Variants in KHDRBS2 observed in about 807,000 individuals in gnomAD.
The protein encoded by KHDRBS2 is KH RNA binding domain containing, signal transduction associated 2, also known as KH domain-containing, RNA-binding, signal transduction-associated protein 2.
Under a neutral mutation model 44.3 loss-of-function variants are expected in KHDRBS2, and 26 were observed. The ratio of observed to expected loss-of-function variants is 0.59; its 90% confidence interval spans 0.43 to 0.81. The LOEUF is 0.81. Ranked by LOEUF, KHDRBS2 falls within the 40% of genes least tolerant of loss-of-function variation. KHDRBS2 has a pLI of 0.00. For synonymous variants in KHDRBS2, 194 were observed against 151.1 expected (o/e 1.28, Z -2.08); for missense variants, 476 against 433.1 (o/e 1.10, Z -0.88).
In KHDRBS2 at chr6:61,976,696, G is replaced by C. The variant is rs563821779; in HGVS notation, c.483+1370C>G. 7.6e-4 allele frequency among the ~76,000 whole-genome samples: 115 copies of C among 152,186 alleles called. No homozygotes were observed. In the South Asian group the frequency reaches 0.013, roughly 17 times the overall value. On this transcript the variant is annotated intron_variant, in intron 4 of 8. Transcript: ENST00000281156. ...TCATTTTAAAGATGAATAAACTGAAGCTTTGAGAATTTAAATGACTTGAAG... is the reference window on the plus strand; with the variant it reads ...TCATTTTAAAGATGAATAAACTGAACCTTTGAGAATTTAAATGACTTGAAG...
chr6:62,181,278 T>C (rs1822228947), intron 1 of KHDRBS2, among the ~76,000 whole-genome samples: 1 of 151,898 alleles, frequency 6.6e-6, no homozygotes, highest in Admixed American at 6.6e-5. Flanking sequence ...TGGAATGAAA[T>C]ATTTGAAAAC....
chr6:61,611,159 C>A, the KHDRBS2 span, among the ~76,000 whole-genome samples: 1 of 152,110 alleles, frequency 6.6e-6, no homozygotes. Context: ...CATGTAAACC[C>A]TGTATAAAAT....
At chr6:62,253,170 T>G (rs1211411493) in intron 1 of KHDRBS2, among the ~76,000 whole-genome samples, 1 of 152,088 alleles carries the variant, frequency 6.6e-6, no homozygotes, top group Non-Finnish European at 1.5e-5. Context: ...ATGAGATTTT[T>G]GAAGCCAGTG....
chr6:62,179,993 G>A (rs1821926342), intron 1 of KHDRBS2, among the ~76,000 whole-genome samples: 1 of 151,772 alleles, frequency 6.6e-6, no homozygotes, highest in African/African-American at 2.4e-5. Context: ...AAACTTGCCT[G>A]AGTTTAAAAC....
At chr6:61,697,465 TTCTC>T in intron 7 of KHDRBS2, among the ~76,000 whole-genome samples, 1 of 152,178 alleles carries the variant, frequency 6.6e-6, no homozygotes, top group South Asian at 2.1e-4. Flanking sequence ...CAGTATTTCT[TTCTC>T]TCTATCCACC....
intron 4 of KHDRBS2, among the ~76,000 whole-genome samples, chr6:61,976,537 C>A (rs148448586): frequency 1.3e-5 from 2 of 152,004 alleles, no homozygotes; most frequent in East Asian, 3.9e-4. Context: ...CTTGATATTT[C>A]TATTATATTT....
At position 61,857,106 on chromosome 6, in the gene KHDRBS2, C is replaced by T. The variant is rs16900116; in HGVS notation, c.810+37529G>A. Among the ~76,000 whole-genome samples the T allele has an allele frequency of 1.9e-3, 284 of 151,922 alleles. 9 individuals carry two copies. In the East Asian group the frequency reaches 0.048, roughly 26 times the overall value. Reference sequence around the variant, plus strand: ...AGTAATTCCAGTAATGATAATAGTGCCAAATAGACTTTTATTAAGTAACTA... The same window carrying T: ...AGTAATTCCAGTAATGATAATAGTGTCAAATAGACTTTTATTAAGTAACTA... On this transcript the variant is annotated intron_variant, in intron 6 of 8. Transcript: ENST00000281156.
chr6:61,881,232 T>A (rs1209891977), intron 6 of KHDRBS2, among the ~76,000 whole-genome samples: 1 of 151,928 alleles, frequency 6.6e-6, no homozygotes, highest in East Asian at 1.9e-4. Context: ...CCTTTTCTTC[T>A]CTCCTTGCAA....
intron 2 of KHDRBS2, among the ~76,000 whole-genome samples, chr6:62,140,071 C>T (rs1469041484): frequency 6.6e-6 from 1 of 152,080 alleles, no homozygotes; most frequent in Non-Finnish European, 1.5e-5. Context: ...TCCATGATTC[C>T]CAGGAAATCT....
intron 3 of KHDRBS2, among the ~76,000 whole-genome samples, chr6:62,022,496 G>T (rs1388443066): frequency 6.6e-6 from 1 of 151,818 alleles, no homozygotes; most frequent in East Asian, 1.9e-4. Flanking sequence ...ACTAGGTGAA[G>T]AAATTCTGGG....
At chr6:61,762,603 A>C (rs1582669404) in intron 6 of KHDRBS2, among the ~76,000 whole-genome samples, 1 of 152,120 alleles carries the variant, frequency 6.6e-6, no homozygotes, top group African/African-American at 2.4e-5. Context: ...GCTACTCTAC[A>C]CCTTGTACCG....
intron 4 of KHDRBS2, among the ~76,000 whole-genome samples, chr6:61,963,128 C>T (rs780581168): frequency 3.3e-5 from 5 of 152,030 alleles, no homozygotes; most frequent in Admixed American, 6.6e-5. Flanking sequence ...AGGGTACCAT[C>T]ACAAATATAT....
At chr6:62,174,407 C>T (rs187188771) in intron 2 of KHDRBS2, among the ~76,000 whole-genome samples, 30 of 151,194 alleles carry the variant, frequency 2.0e-4, no homozygotes, top group Middle Eastern at 3.4e-3. Context: ...AAGCCAAATA[C>T]GAAAAACTGC....
At chr6:61,999,181 A>C (rs1777764884) in intron 3 of KHDRBS2, among the ~76,000 whole-genome samples, 1 of 152,122 alleles carries the variant, frequency 6.6e-6, no homozygotes, top group Non-Finnish European at 1.5e-5. Flanking sequence ...ACTCATTTAC[A>C]TTAGGGTAAA....
chr6:61,722,686 C>A (rs144182275), intron 7 of KHDRBS2, among the ~76,000 whole-genome samples: 82 of 151,396 alleles, frequency 5.4e-4, no homozygotes, highest in African/African-American at 1.9e-3. Context: ...TTTGTAAATG[C>A]TGGAGGATGA....
chr6:62,204,803 C>T (rs1827665698), intron 1 of KHDRBS2, among the ~76,000 whole-genome samples: 1 of 151,908 alleles, frequency 6.6e-6, no homozygotes, highest in Non-Finnish European at 1.5e-5. Flanking sequence ...TCAGCATATA[C>T]AAAAAGTTGG....
intron 6 of KHDRBS2, among the ~76,000 whole-genome samples, chr6:61,791,804 T>C (rs187849594): frequency 6.6e-6 from 1 of 151,616 alleles, no homozygotes; most frequent in Admixed American, 6.6e-5. Context: ...CTAGTTGTGT[T>C]TTCTTTTTAA....
At chr6:61,561,663 C>G in the KHDRBS2 span, among the ~76,000 whole-genome samples, 3 of 152,112 alleles carry the variant, frequency 2.0e-5, no homozygotes, top group African/African-American at 4.8e-5. Context: ...CATGGTATCA[C>G]TGATGTTCAC....
At chr6:62,121,923 G>A (rs1436190460) in intron 2 of KHDRBS2, among the ~76,000 whole-genome samples, 1 of 152,132 alleles carries the variant, frequency 6.6e-6, no homozygotes, top group Non-Finnish European at 1.5e-5. Context: ...TGCCTTCTAA[G>A]GCGAAGGATA....
Sources: allele counts gnomAD v4.1 joint callset (sites outside exome capture counted in the v4.1 genomes callset), GRCh38; gene constraint gnomAD v4.1.1; transcripts MANE v1.5; gene names NCBI Gene and HGNC (gene_info 2026-07-23, HGNC 2026-07-21).